EYS: variants seen among roughly 807,000 people sequenced by gnomAD.
EYS encodes the protein protein eyes shut homolog.
In EYS, 250 loss-of-function variants were observed where a neutral mutation model predicts 282.1. The observed-to-expected ratio is 0.89, with a 90% CI of 0.80 to 0.98. The LOEUF is 0.98. EYS is among the 50% of genes least tolerant of loss of function. EYS has a pLI of 0.00. For missense variants in EYS, 4,016 were observed against 3,709.0 expected, an observed-to-expected ratio of 1.08 and a Z score of -2.15; for synonymous variants, 1,355 against 1,282.9, an observed-to-expected ratio of 1.06 and a Z score of -1.20.
At position 64,230,820 on chromosome 6, in the gene EYS, G is replaced by A; in HGVS notation, c.6196C>T (p.Gln2066Ter). 1 of 1,532,408 alleles carries A rather than the reference G, an allele frequency of 6.5e-7. No homozygotes were observed. Among genetic ancestry groups the A allele is most frequent in the East Asian group, 2.5e-5 (1 of 40,530 alleles). The allele number at this position is 1,532,408 out of a possible 1,614,324, so 94.9% of individuals were successfully genotyped here. The change falls in exon 31 of 43, where the codon CAG becomes TAG. Residue 2066 changes from glutamine to a stop codon, truncating the protein, a stop_gained. Coordinates refer to ENST00000503581, the MANE Select transcript of EYS (RefSeq NM_001142800.2). LOFTEE classifies it high-confidence loss of function. ...KNYHINNCRSQGFMLSPTASF... is the reference protein window; with the variant it reads ...KNYHINNCRS ...GCTGTTGGAGACAGCATAAATCCCT[G>A]GGATCTGTGATTTATAAACAGACAA... is the stretch of plus-strand genomic sequence containing the variant.
intron 19 of EYS, among the ~76,000 whole-genome samples, chr6:64,839,632 C>T (rs555055095): frequency 3.9e-5 from 6 of 152,008 alleles, no homozygotes; most frequent in African/African-American, 1.4e-4. Flanking sequence ...ATACTTGAGC[C>T]TAGTTGATTT....
intron 26 of EYS, among the ~76,000 whole-genome samples, chr6:64,487,104 A>T (rs1184030504): frequency 6.6e-6 from 1 of 151,184 alleles, no homozygotes; most frequent in Non-Finnish European, 1.5e-5. Context: ...TAAAAAAATC[A>T]TTTAGCATTT....
chr6:64,081,769 A>G, intron 32 of EYS, 87 bp downstream of exon 32: 3 of 1,152,964 alleles, frequency 2.6e-6, no homozygotes, highest in Admixed American at 3.1e-5. Context: ...TTCTCTCACA[A>G]TATTTAAATG....
intron 12 of EYS, among the ~76,000 whole-genome samples, chr6:65,288,934 T>A (rs1768445839): frequency 1.3e-5 from 2 of 150,884 alleles, no homozygotes; most frequent in African/African-American, 4.8e-5. Flanking sequence ...GTAGTAAAGG[T>A]AAGTGTTAAT....
At chr6:64,681,303 G>C (rs1361764320) in intron 22 of EYS, among the ~76,000 whole-genome samples, 1 of 152,166 alleles carries the variant, frequency 6.6e-6, no homozygotes, top group Non-Finnish European at 1.5e-5. Context: ...ACTATTGCTT[G>C]AGGGTAATTT....
rs533659358 is a variant in EYS at position 63,779,821 on chromosome 6, A to G, written c.7724-1641T>C. ...CTTGCAGGTTTGTTATACTGTATAC[A>G]TGTGCCATGTTGGTGTGCTGCACCC... On this transcript the variant is annotated intron_variant, in intron 39 of 42. Coordinates refer to ENST00000503581, the MANE Select transcript of EYS (RefSeq NM_001142800.2). 4.0e-5 allele frequency among the ~76,000 whole-genome samples: 6 copies of G among 151,288 alleles called. No individual in the cohort carries two copies. The South Asian group carries it at 1.3e-3, about 32-fold the overall frequency.
At chr6:64,837,830 A>G (rs1254326141) in intron 19 of EYS, among the ~76,000 whole-genome samples, 2 of 151,348 alleles carry the variant, frequency 1.3e-5, no homozygotes, top group Non-Finnish European at 3.0e-5. Context: ...CTGAAAAAGA[A>G]TAGACATTGA....
chr6:65,174,494 G>T (rs1433139585), intron 12 of EYS, among the ~76,000 whole-genome samples: 1 of 151,194 alleles, frequency 6.6e-6, no homozygotes, highest in Non-Finnish European at 1.5e-5. Context: ...CCCAACATTT[G>T]CTTAAGCCAA....
intron 26 of EYS, among the ~76,000 whole-genome samples, chr6:64,462,844 A>G (rs1177029258): frequency 6.6e-6 from 1 of 151,952 alleles, no homozygotes; most frequent in African/African-American, 2.4e-5. Context: ...CTGGAATGCT[A>G]ATTTTAATTA....
chr6:64,906,971 A>G (rs1767847529), intron 16 of EYS, among the ~76,000 whole-genome samples: 1 of 152,226 alleles, frequency 6.6e-6, no homozygotes, highest in Non-Finnish European at 1.5e-5. Flanking sequence ...ACTCTATGCT[A>G]CAAACACACA....
At chr6:65,212,879 T>C (rs1766208265) in intron 12 of EYS, among the ~76,000 whole-genome samples, 1 of 152,072 alleles carries the variant, frequency 6.6e-6, no homozygotes, top group South Asian at 2.1e-4. Context: ...ACAACATTCT[T>C]ATGATAATAT....
rs1470560230 is a variant in EYS, at chr6:65,340,764, A to C, written c.1599+3274T>G. On this transcript the variant is annotated intron_variant, in intron 10 of 42. Transcript: ENST00000503581. ...GGTGTTGTTTTCCCTTATTGAAAGA[A>C]GTCTAAAATAATTAGTTTTTCTCCA... is the stretch of plus-strand genomic sequence containing the variant. Among the ~76,000 whole-genome samples the C allele has an allele frequency of 3.3e-5, 5 of 151,234 alleles. No individual in the cohort carries two copies. The Admixed American group carries it at 3.3e-4, about 10-fold the overall frequency.
rs569989321 is a variant in EYS, at chr6:64,337,929, T to C, written c.6079-30847A>G. Among the ~76,000 whole-genome samples, 4 of 152,080 alleles carry C rather than the reference T, an allele frequency of 2.6e-5. No individual in the cohort carries two copies. The East Asian group carries it at 5.8e-4, about 22-fold the overall frequency. ...AGAAAGTATTTGGCAAAATTCAGTA[T>C]TGCTTTATGATTAAAACTATCAGCA... On this transcript the variant is annotated intron_variant, in intron 29 of 42. Transcript: ENST00000503581.
At chr6:64,261,332 A>T (rs1767580699) in intron 30 of EYS, among the ~76,000 whole-genome samples, 1 of 152,120 alleles carries the variant, frequency 6.6e-6, no homozygotes, top group Non-Finnish European at 1.5e-5. Flanking sequence ...GGAAACAATC[A>T]CAAAGTGAGA....
chr6:64,614,220 G>T (rs1582955418), intron 24 of EYS, among the ~76,000 whole-genome samples: 1 of 152,030 alleles, frequency 6.6e-6, no homozygotes, highest in South Asian at 2.1e-4. Flanking sequence ...CAGGCAAGAT[G>T]AAAATAAAAA....
chr6:64,992,574 A>C (rs1771100455), intron 14 of EYS, among the ~76,000 whole-genome samples: 1 of 151,862 alleles, frequency 6.6e-6, no homozygotes, highest in African/African-American at 2.4e-5. Context: ...ATTTTGTCAC[A>C]CTCCAAAGTA....
At chr6:65,092,009 G>A (rs570884800) in intron 12 of EYS, among the ~76,000 whole-genome samples, 1 of 151,982 alleles carries the variant, frequency 6.6e-6, no homozygotes, top group Non-Finnish European at 1.5e-5. Flanking sequence ...CTGAAAATTA[G>A]GTTAATATAA....
intron 24 of EYS, among the ~76,000 whole-genome samples, chr6:64,595,075 T>C (rs1032332244): frequency 2.6e-5 from 4 of 151,982 alleles, no homozygotes; most frequent in Admixed American, 6.6e-5. Context: ...TACAACAACA[T>C]ATCAAAAAAT....
chr6:64,431,384 A>T (rs982693060), intron 28 of EYS, among the ~76,000 whole-genome samples: 2 of 152,170 alleles, frequency 1.3e-5, no homozygotes, highest in African/African-American at 2.4e-5. Context: ...CTAAATAAGC[A>T]CACATTCTGA....
Sources: allele counts gnomAD v4.1 joint callset (sites outside exome capture counted in the v4.1 genomes callset), GRCh38; gene constraint gnomAD v4.1.1; transcripts MANE v1.5; gene names NCBI Gene and HGNC (gene_info 2026-07-23, HGNC 2026-07-21).